TSPAN18: variants seen among roughly 807,000 people sequenced by gnomAD.
TSPAN18 encodes the protein tetraspanin 18.
A neutral mutation model predicts 27.3 loss-of-function variants in TSPAN18; 14 were observed. That is an observed-to-expected ratio of 0.51 (90% CI 0.34 to 0.80). The LOEUF (loss-of-function observed/expected upper bound fraction) is 0.80. TSPAN18 is among the 30% of genes least tolerant of loss of function. The pLI, the probability that TSPAN18 is intolerant of heterozygous loss-of-function variation, is 0.01. For synonymous variants in TSPAN18, 143 were observed against 136.5 expected, an observed-to-expected ratio of 1.05 and a Z score of -0.33; for missense variants, 268 against 323.9, an observed-to-expected ratio of 0.83 and a Z score of 1.32.
chr11:44,773,833 A>G (rs1855744346), intron 2 of TSPAN18, among the ~76,000 whole-genome samples: 1 of 152,162 alleles, frequency 6.6e-6, no homozygotes, highest in Non-Finnish European at 1.5e-5. Context: ...GTCAATAAGT[A>G]TTTGGTTGCA....
At chr11:44,839,955 G>A (rs922128601) in intron 2 of TSPAN18, among the ~76,000 whole-genome samples, 17 of 152,202 alleles carry the variant, frequency 1.1e-4, no homozygotes, top group Admixed American at 5.9e-4. Context: ...GTGGGTGGCT[G>A]TCCTCAGTCC....
At chr11:44,896,402 T>G (rs985161203) in intron 3 of TSPAN18, among the ~76,000 whole-genome samples, 2 of 152,160 alleles carry the variant, frequency 1.3e-5, no homozygotes, top group South Asian at 2.1e-4. Context: ...GTGGGGATGA[T>G]GGTGTGATAC....
chr11:44,895,070 CAGGTAGGAGAA>C (rs1487171788), intron 3 of TSPAN18, among the ~76,000 whole-genome samples: 1 of 152,178 alleles, frequency 6.6e-6, no homozygotes, highest in Non-Finnish European at 1.5e-5. Context: ...AATAAGAGGA[CAGGTAGGAGAA>C]AGGTATAGTG....
intron 2 of TSPAN18, among the ~76,000 whole-genome samples, chr11:44,768,504 T>C (rs964815354): frequency 2.0e-5 from 3 of 152,194 alleles, no homozygotes; most frequent in African/African-American, 7.2e-5. Context: ...TTTTTTGTAA[T>C]TTCTTTCAGG....
At position 44,929,245 on chromosome 11, in the gene TSPAN18, G is replaced by A. The variant is rs1345646931; in HGVS notation, c.*67G>A. On this transcript the variant is annotated 3_prime_UTR_variant, in exon 10 of 10. Transcript: ENST00000520358. ...TGCCCAGCACCCAGTGTCCTCCCGTGCCCCTCCCCGCTGTCCTCTTGGCCC... is the reference window on the plus strand; with the variant it reads ...TGCCCAGCACCCAGTGTCCTCCCGTACCCCTCCCCGCTGTCCTCTTGGCCC... 20 of 1,596,402 alleles carry A rather than the reference G, an allele frequency of 1.3e-5. No homozygotes were observed. Among genetic ancestry groups the A allele is most frequent in the Middle Eastern group, 3.4e-4 (2 of 5,950 alleles).
At chr11:44,763,868 A>G (rs887316948) in intron 1 of TSPAN18, among the ~76,000 whole-genome samples, 11 of 152,118 alleles carry the variant, frequency 7.2e-5, no homozygotes, top group African/African-American at 2.7e-4. Flanking sequence ...CCATTCTTGC[A>G]CTGCTGTAAA....
intron 3 of TSPAN18, among the ~76,000 whole-genome samples, chr11:44,887,353 A>C (rs1858689797): frequency 6.6e-6 from 1 of 152,222 alleles, no homozygotes; most frequent in Non-Finnish European, 1.5e-5. Flanking sequence ...TGGCCTGTAG[A>C]AAGTGCTTCA....
In TSPAN18 at chr11:44,830,348, C is replaced by T. The variant is rs549844453; in HGVS notation, c.-152-29980C>T. The stretch of plus-strand genomic sequence containing the variant: ...GATTTATTTGCTGGATTATAGTTTG[C>T]AAGTGCCATAGCAGGGAGAAGCCAT... On this transcript the variant is annotated intron_variant, in intron 2 of 9. Transcript: ENST00000520358. Among the ~76,000 whole-genome samples the T allele has an allele frequency of 5.8e-4, 88 of 152,336 alleles. 1 individual carries two copies. Among genetic ancestry groups the T allele is most frequent in the African/African-American group, 2.0e-3 (85 of 41,574 alleles).
chr11:44,791,048 T>C (rs75836428), intron 2 of TSPAN18, among the ~76,000 whole-genome samples: 20,067 of 152,266 alleles, frequency 0.13, 1,748 homozygotes, highest in Middle Eastern at 0.21. Flanking sequence ...AAATGAAGGC[T>C]AGCCTGGTTC....
chr11:44,799,124 C>G (rs944875750), intron 2 of TSPAN18, among the ~76,000 whole-genome samples: 4 of 151,604 alleles, frequency 2.6e-5, no homozygotes, highest in African/African-American at 9.7e-5. Context: ...TGGGGGCCAT[C>G]GGTGCAGAGA....
chr11:44,796,684 C>T (rs898285127), intron 2 of TSPAN18, among the ~76,000 whole-genome samples: 1 of 152,250 alleles, frequency 6.6e-6, no homozygotes, highest in African/African-American at 2.4e-5. Context: ...CAAGGATAGC[C>T]TCAGTCACAC....
At chr11:44,749,632 C>CTTTTTT (rs71894571) in intron 1 of TSPAN18, among the ~76,000 whole-genome samples, 155 of 110,336 alleles carry the variant, frequency 1.4e-3, no homozygotes, top group African/African-American at 2.0e-3. Context: ...GTGGAACTTT[C>CTTTTTT]TTTTTTTTTT....
chr11:44,834,272 A>G (rs1245761054), intron 2 of TSPAN18, among the ~76,000 whole-genome samples: 1 of 152,074 alleles, frequency 6.6e-6, no homozygotes, highest in Non-Finnish European at 1.5e-5. Flanking sequence ...AAGACCTGCC[A>G]GTTCCTTTCG....
At chr11:44,867,424 A>C (rs542006169) in intron 3 of TSPAN18, among the ~76,000 whole-genome samples, 79 of 107,626 alleles carry the variant, frequency 7.3e-4, no homozygotes, top group African/African-American at 2.8e-3. Flanking sequence ...TTTCAGACAG[A>C]GTCTCGCTCT....
intron 2 of TSPAN18, among the ~76,000 whole-genome samples, chr11:44,766,565 A>C (rs10838353): frequency 0.61 from 92,902 of 152,070 alleles, 30,362 homozygotes; most frequent in South Asian, 0.81. Flanking sequence ...GTGGGCCTCA[A>C]GCCTCGGTGT....
At chr11:44,807,192 T>TAAAAAAAAAAA (rs1046665098) in intron 2 of TSPAN18, among the ~76,000 whole-genome samples, 2 of 67,320 alleles carry the variant, frequency 3.0e-5, no homozygotes, top group African/African-American at 8.2e-5. Context: ...CCCTGTCTCT[T>TAAAAAAAAAAA]AAAAAAAAAA....
intron 1 of TSPAN18, among the ~76,000 whole-genome samples, chr11:44,735,422 C>A (rs779909377): frequency 1.6e-4 from 25 of 152,348 alleles, no homozygotes; most frequent in Non-Finnish European, 3.1e-4. Flanking sequence ...TTGGCAGGAA[C>A]ATGCTCTGTC....
chr11:44,889,382 A>G (rs1858768413), intron 3 of TSPAN18, among the ~76,000 whole-genome samples: 2 of 152,256 alleles, frequency 1.3e-5, no homozygotes, highest in South Asian at 2.1e-4. Context: ...CTTTCCCTAC[A>G]TTCCATTCCC....
At chr11:44,921,017 G>A (rs918544896) in intron 8 of TSPAN18, among the ~76,000 whole-genome samples, 1 of 152,198 alleles carries the variant, frequency 6.6e-6, no homozygotes, top group African/African-American at 2.4e-5. Flanking sequence ...AGAGGCCTGG[G>A]TCCTGGGGCT....
Sources: gnomAD v4.1 joint callset for allele counts (sites outside exome capture counted in the v4.1 genomes callset) on GRCh38, gnomAD v4.1.1 for gene constraint, MANE v1.5 for transcripts, NCBI Gene and HGNC (gene_info 2026-07-23, HGNC 2026-07-21) for gene names.